The following ENPP6 variants were observed in gnomAD, a reference collection of about 807,000 sequenced individuals.
ENPP6 encodes ectonucleotide pyrophosphatase/phosphodiesterase 6.
ENPP6 carries 32 observed loss-of-function variants against 42.0 expected under a neutral mutation model. That is an observed-to-expected ratio of 0.76 (90% confidence interval 0.58 to 1.02). ENPP6 has a LOEUF of 1.02. Among genes scored for constraint, ENPP6 ranks in the 50% least tolerant of loss-of-function variants. The pLI, the probability that ENPP6 is intolerant of heterozygous loss-of-function variation, is 0.00. For missense variants in ENPP6, 552 were observed against 566.8 expected (o/e 0.97, Z 0.27); for synonymous variants, 213 against 216.0 (o/e 0.99, Z 0.12).
At chr4:184,206,504 T>C (rs1002877747) in intron 1 of ENPP6, among the ~76,000 whole-genome samples, 8 of 150,246 alleles carry the variant, frequency 5.3e-5, no homozygotes, top group South Asian at 4.2e-4. Flanking sequence ...GATCCGCCCG[T>C]CTCGGCCTCC....
chr4:184,116,807 A>T, intron 5 of ENPP6, 49 bp downstream of exon 5: 1 of 1,602,588 alleles, frequency 6.2e-7, no homozygotes, highest in Non-Finnish European at 8.5e-7. Context: ...AGATGGCAAC[A>T]CACGAGGGCC....
chr4:184,216,736 A>G (rs936045425), intron 1 of ENPP6: 1 of 152,228 alleles, frequency 6.6e-6, no homozygotes, highest in Non-Finnish European at 1.5e-5. Flanking sequence ...AGAAACTGGG[A>G]ATCCAACTCT....
intron 7 of ENPP6, among the ~76,000 whole-genome samples, chr4:184,096,648 C>T (rs1735905690): frequency 6.6e-6 from 1 of 152,114 alleles, no homozygotes; most frequent in African/African-American, 2.4e-5. Context: ...CTCCTCCAGC[C>T]CTAGGAATTA....
At position 184,091,338 on chromosome 4, in the gene ENPP6, C is replaced by T. The variant is rs202227285; in HGVS notation, c.1162G>A (p.Val388Ile). Residue 388 changes from valine to isoleucine, a missense_variant, in exon 8 of 8, where the codon GTC (valine) becomes ATC (isoleucine). Around this residue, in one of 2 missense-constraint regions of ENPP6, gnomAD observed 545 missense variants for 546.3 expected, o/e 1.00. Coordinates refer to ENST00000296741, the MANE Select transcript of ENPP6 (RefSeq NM_153343.4). ...ACCACATTGCACATGACATTGTAGA[C>T]GTCCACCGACCTGATAGGAGCAGCT... ...FRAAPIRSVD[V>I]YNVMCNVVGI... The T allele has an allele frequency of 1.0e-4, 161 of 1,613,496 alleles. No homozygotes were observed. The highest frequency in any genetic ancestry group is 1.6e-4 in the Middle Eastern group (1 of 6,062).
chr4:184,148,813 G>A (rs1328369981), intron 2 of ENPP6, among the ~76,000 whole-genome samples: 1 of 152,194 alleles, frequency 6.6e-6, no homozygotes. Context: ...AAATCAATTA[G>A]CTATCATAGG....
chr4:184,109,449 G>C (rs558547639), intron 6 of ENPP6, among the ~76,000 whole-genome samples: 3 of 152,044 alleles, frequency 2.0e-5, no homozygotes, highest in East Asian at 3.9e-4. Context: ...TTGAAGCTTT[G>C]GGGGAGGGGT....
chr4:184,191,038 G>A (rs1295033244), intron 1 of ENPP6, among the ~76,000 whole-genome samples: 1 of 152,190 alleles, frequency 6.6e-6, no homozygotes, highest in African/African-American at 2.4e-5. Context: ...ATGTACTATG[G>A]GTGTCTATGT....
intron 1 of ENPP6, among the ~76,000 whole-genome samples, chr4:184,185,877 A>C (rs576688988): frequency 6.6e-6 from 1 of 152,346 alleles, no homozygotes; most frequent in South Asian, 2.1e-4. Context: ...CCATTGAGAA[A>C]ACCTGAAAAT....
intron 2 of ENPP6, among the ~76,000 whole-genome samples, chr4:184,147,977 C>T (rs752916599): frequency 6.6e-6 from 1 of 152,154 alleles, no homozygotes; most frequent in Non-Finnish European, 1.5e-5. Flanking sequence ...GTCTCCTTCC[C>T]ACCTTACCCA....
intron 2 of ENPP6, among the ~76,000 whole-genome samples, chr4:184,152,456 C>T (rs757528514): frequency 2.0e-5 from 3 of 152,048 alleles, no homozygotes; most frequent in Admixed American, 6.6e-5. Context: ...CAGACCAGTT[C>T]GACCCCCTCA....
intron 2 of ENPP6, among the ~76,000 whole-genome samples, chr4:184,131,151 T>TTCTTTCTTTC (rs1447609426): frequency 3.8e-4 from 18 of 47,828 alleles, no homozygotes; most frequent in African/African-American, 1.6e-3. Flanking sequence ...CTTTCTTTCT[T>TTCTTTCTTTC]TCTTTCTTTC....
chr4:184,100,557 G>T (rs1735982146), intron 6 of ENPP6, among the ~76,000 whole-genome samples: 1 of 152,222 alleles, frequency 6.6e-6, no homozygotes, highest in Admixed American at 6.5e-5. Flanking sequence ...GTGGGCTTGT[G>T]TGTGTGCGTT....
intron 2 of ENPP6, among the ~76,000 whole-genome samples, chr4:184,147,480 C>T (rs1449644295): frequency 7.2e-5 from 11 of 152,142 alleles, no homozygotes; most frequent in Non-Finnish European, 1.0e-4. Context: ...ATTCATTTCA[C>T]GATCAGAATA....
intron 1 of ENPP6, among the ~76,000 whole-genome samples, chr4:184,201,237 G>C (rs112522866): frequency 8.5e-5 from 13 of 152,298 alleles, no homozygotes; most frequent in South Asian, 6.2e-4. Context: ...TCTCTGAGAT[G>C]AATGTTAACC....
chr4:184,150,872 C>T (rs1737012365), intron 2 of ENPP6, among the ~76,000 whole-genome samples: 1 of 152,230 alleles, frequency 6.6e-6, no homozygotes, highest in African/African-American at 2.4e-5. Flanking sequence ...TGTAAATGAT[C>T]TTAAGGCATT....
At chr4:184,195,526 G>A (rs1005645707) in intron 1 of ENPP6, among the ~76,000 whole-genome samples, 7 of 152,280 alleles carry the variant, frequency 4.6e-5, no homozygotes, top group Non-Finnish European at 8.8e-5. Flanking sequence ...TCATCACCAC[G>A]TCTGGCTCCA....
chr4:184,213,389 A>C (rs1227678566), intron 1 of ENPP6, among the ~76,000 whole-genome samples: 3 of 152,124 alleles, frequency 2.0e-5, no homozygotes, highest in African/African-American at 7.2e-5. Flanking sequence ...AAACAAATTT[A>C]CAAGAAAAAA....
intron 1 of ENPP6, among the ~76,000 whole-genome samples, chr4:184,201,484 C>T (rs955213716): frequency 6.6e-6 from 1 of 152,088 alleles, no homozygotes; most frequent in Admixed American, 6.5e-5. Flanking sequence ...CTTCTGGAAA[C>T]GCCTTTGCTG....
chr4:184,092,248 C>A (rs1170916902), intron 7 of ENPP6, among the ~76,000 whole-genome samples: 1 of 151,826 alleles, frequency 6.6e-6, no homozygotes, highest in Non-Finnish European at 1.5e-5. Flanking sequence ...TGCTCGCTAG[C>A]TCAGCAGCCA....
Sources: gnomAD v4.1 joint callset for allele counts (sites outside exome capture counted in the v4.1 genomes callset) on GRCh38, gnomAD v4.1.1 for gene constraint, gnomAD v4.1.1 regional missense constraint, MANE v1.5 for transcripts, NCBI Gene and HGNC (gene_info 2026-07-23, HGNC 2026-07-21) for gene names.